Variants in ANO2 observed in about 807,000 individuals in gnomAD.
ANO2 encodes anoctamin-2.
In ANO2, 101 loss-of-function variants were observed where a neutral mutation model predicts 124.2. The ratio of observed to expected loss-of-function variants is 0.81; its 90% CI spans 0.69 to 0.96. ANO2 has a LOEUF of 0.96. Ranked by LOEUF, ANO2 falls within the 40% of genes least tolerant of loss-of-function variation. ANO2 has a pLI of 0.00. For missense variants in ANO2, 1,293 were observed against 1,274.5 expected, an observed-to-expected ratio of 1.01 and a Z score of -0.22; for synonymous variants, 486 against 482.5, an observed-to-expected ratio of 1.01 and a Z score of -0.09.
intron 14 of ANO2, among the ~76,000 whole-genome samples, chr12:5,713,634 G>T (rs1949901047): frequency 1.3e-5 from 2 of 152,214 alleles, no homozygotes; most frequent in African/African-American, 4.8e-5. Context: ...CTGGAAGAAA[G>T]CTGGACGATG....
intron 19 of ANO2, among the ~76,000 whole-genome samples, chr12:5,604,376 T>C (rs1944106640): frequency 6.6e-6 from 1 of 152,106 alleles, no homozygotes; most frequent in South Asian, 2.1e-4. Flanking sequence ...CAACTGCATA[T>C]CTGTGCCTAG....
At chr12:5,731,296 T>G (rs1250058705) in intron 14 of ANO2, among the ~76,000 whole-genome samples, 1 of 152,104 alleles carries the variant, frequency 6.6e-6, no homozygotes, top group Non-Finnish European at 1.5e-5. Flanking sequence ...TTGGACTTGG[T>G]CTTCGTCTAG....
intron 10 of ANO2, among the ~76,000 whole-genome samples, chr12:5,771,495 C>A (rs1952079185): frequency 6.6e-6 from 1 of 152,202 alleles, no homozygotes; most frequent in African/African-American, 2.4e-5. Flanking sequence ...AAACAGAATT[C>A]TCGGCTGGGC....
intron 16 of ANO2, among the ~76,000 whole-genome samples, chr12:5,633,261 GTGTT>G (rs1375777806): frequency 6.6e-6 from 1 of 152,208 alleles, no homozygotes; most frequent in East Asian, 1.9e-4. Context: ...CAGGAAGCAG[GTGTT>G]CTTCTATGCC....
chr12:5,616,810 T>TTAC (rs1310287593), intron 16 of ANO2, among the ~76,000 whole-genome samples: 1 of 152,138 alleles, frequency 6.6e-6, no homozygotes, highest in African/African-American at 2.4e-5. Flanking sequence ...TATAGGTGAG[T>TTAC]TACTACCACA....
chr12:5,640,937 C>T (rs889194022), intron 15 of ANO2, among the ~76,000 whole-genome samples: 3 of 152,178 alleles, frequency 2.0e-5, no homozygotes, highest in Admixed American at 2.0e-4. Flanking sequence ...ATGTTTATTG[C>T]AGCACTATTC....
intron 10 of ANO2, among the ~76,000 whole-genome samples, chr12:5,790,572 C>T (rs1319166695): frequency 6.6e-6 from 1 of 152,144 alleles, no homozygotes; most frequent in Non-Finnish European, 1.5e-5. Context: ...TCATCTATGT[C>T]GTAAGTCTCA....
At chr12:5,888,287 T>A (rs1939104245) in intron 3 of ANO2, among the ~76,000 whole-genome samples, 1 of 152,144 alleles carries the variant, frequency 6.6e-6, no homozygotes, top group Admixed American at 6.5e-5. Flanking sequence ...GCTGCAGACC[T>A]TCGCGGTGAG....
chr12:5,778,052 GA>G (rs1230647070), intron 10 of ANO2, among the ~76,000 whole-genome samples: 1 of 152,150 alleles, frequency 6.6e-6, no homozygotes, highest in Non-Finnish European at 1.5e-5. Context: ...ACATCAAAAG[GA>G]ATGCCCAGTT....
rs1229388902 is a variant in ANO2 at position 5,575,891 on chromosome 12, A to G, written c.2564T>C (p.Leu855Pro). The change falls in exon 23 of 25, where the codon CTG becomes CCG. Residue 855 changes from leucine to proline, a missense_variant. Leu to Pro is a moderately conservative substitution (Grantham distance 98). Transcript: ENST00000682330. ...GTTTTCTGGCTGCGTCCCCTCCTTC[A>G]GCTGGCTGACGTTGAAAAAGGAGAG... ...HTLSFFNVSQ[L>P]KEGTQPENSQ... 1.9e-6 allele frequency: 3 copies of G among 1,613,772 alleles called. No homozygotes were observed. The highest frequency in any genetic ancestry group is 1.7e-6 in the Non-Finnish European group (2 of 1,179,878).
rs181634227 is a variant in ANO2, at chr12:5,916,094, T to C, written c.534+4946A>G. The stretch of plus-strand genomic sequence containing the variant: ...GAGTTCAAGAACAGCCTGGGCAACA[T>C]GGTGAAGCCCCGTCTCTACAAAAAA... On this transcript the variant is annotated intron_variant, in intron 3 of 24. Transcript: ENST00000682330. Among the ~76,000 whole-genome samples, 92 of 151,998 alleles carry C rather than the reference T, an allele frequency of 6.1e-4. 2 individuals are homozygous for C. The East Asian group carries it at 0.015, about 25-fold the overall frequency.
At chr12:5,739,596 TACACACACACAC>T (rs71064167) in intron 12 of ANO2, among the ~76,000 whole-genome samples, 197 bp from the exon 13 acceptor site, 2 of 145,080 alleles carry the variant, frequency 1.4e-5, no homozygotes, top group Admixed American at 6.8e-5. Flanking sequence ...ATAGATATGT[TACACACACACAC>T]ACACACACAC....
chr12:5,610,983 T>TTTTTTGCTTTTTTTTTTG (rs1555100752), intron 19 of ANO2, among the ~76,000 whole-genome samples: 2,138 of 121,534 alleles, frequency 0.018, 177 homozygotes, highest in African/African-American at 0.063. Context: ...TTTTTTTTTT[T>TTTTTTGCTTTTTTTTTTG]TTTTTTGAGA....
At chr12:5,714,157 C>G (rs947080055) in intron 14 of ANO2, among the ~76,000 whole-genome samples, 1 of 152,226 alleles carries the variant, frequency 6.6e-6, no homozygotes, top group Non-Finnish European at 1.5e-5. Context: ...TCTACCGGAT[C>G]ACTCCAGAGT....
At chr12:5,784,995 C>A (rs560899643) in intron 10 of ANO2, among the ~76,000 whole-genome samples, 1 of 152,216 alleles carries the variant, frequency 6.6e-6, no homozygotes, top group Non-Finnish European at 1.5e-5. Context: ...ATAGACAGGG[C>A]TGCTCTTTGT....
Position 5,885,967 on chromosome 12 carries a change from C to T in ANO2, c.535-31826G>A, listed in dbSNP as rs535212343. On this transcript the variant is annotated intron_variant, in intron 3 of 24. Transcript: ENST00000682330. ...CATGGGCATAGGAAACCAGTGCTAA[C>T]TGCACACCCTACTGCCAATGATGCC... Among the ~76,000 whole-genome samples, 28 of 152,334 alleles carry T rather than the reference C, an allele frequency of 1.8e-4. No homozygotes were observed. The Middle Eastern group carries it at 0.01, about 56-fold the overall frequency.
intron 14 of ANO2, among the ~76,000 whole-genome samples, chr12:5,726,156 G>A (rs1250491337): frequency 6.6e-6 from 1 of 151,488 alleles, no homozygotes; most frequent in East Asian, 1.9e-4. Flanking sequence ...AAAAATCCAC[G>A]CTATTCTTTT....
intron 23 of ANO2, among the ~76,000 whole-genome samples, chr12:5,572,886 T>C (rs1942205819): frequency 6.6e-6 from 1 of 152,208 alleles, no homozygotes; most frequent in African/African-American, 2.4e-5. Context: ...AAACAAGCCA[T>C]GATCTTATCT....
chr12:5,664,844 G>A (rs1947621041), intron 14 of ANO2, among the ~76,000 whole-genome samples: 1 of 152,214 alleles, frequency 6.6e-6, no homozygotes, highest in African/African-American at 2.4e-5. Context: ...AAGGCTTGGA[G>A]AAGTCCTGTA....
Sources: gnomAD v4.1 joint callset for allele counts (sites outside exome capture counted in the v4.1 genomes callset) on GRCh38, gnomAD v4.1.1 for gene constraint, MANE v1.5 for transcripts, NCBI Gene and HGNC (gene_info 2026-07-23, HGNC 2026-07-21) for gene names.